The following NTAQ1 variants were observed in gnomAD, a reference collection of about 807,000 sequenced individuals.
NTAQ1 encodes protein N-terminal glutamine amidohydrolase.
A neutral mutation model predicts 28.2 loss-of-function variants in NTAQ1; 21 were observed. The ratio of observed to expected loss-of-function variants is 0.74; its 90% CI spans 0.53 to 1.07. The LOEUF (loss-of-function observed/expected upper bound fraction) is 1.07. Among genes scored for constraint, NTAQ1 ranks in the 50% least tolerant of loss-of-function variants. The probability of loss-of-function intolerance (pLI) is 0.00; values close to 1 mark genes in which losing one functional copy is unlikely to be tolerated. For synonymous variants in NTAQ1, 105 were observed against 90.0 expected (o/e 1.17, Z -0.94); for missense variants, 264 against 256.6 (o/e 1.03, Z -0.20).
chr8:123,435,637 C>G lies in NTAQ1; in HGVS notation c.235-816C>G, dbSNP rs567780315. The G allele has an allele frequency of 6.4e-6, 4 of 621,072 alleles. No individual in the cohort carries two copies. The East Asian group carries it at 5.6e-4, about 87-fold the overall frequency. The allele number at this position is 621,072 out of a possible 1,614,324, so 38.5% of individuals were successfully genotyped here. A position where few individuals can be genotyped will look rare whatever the true frequency, so the allele number is the denominator to read the frequency against. ...ATTCCAGGACTTTGGGAGGCTGAGGCGGGGGGATCACTTGAGGCCAGAAGT... is the reference window on the plus strand; with the variant it reads ...ATTCCAGGACTTTGGGAGGCTGAGGGGGGGGGATCACTTGAGGCCAGAAGT... On this transcript the variant is annotated intron_variant, in intron 3 of 5. Coordinates refer to ENST00000287387, the MANE Select transcript of NTAQ1 (RefSeq NM_018024.3).
chr8:123,424,072 G>GTTTTTTTTTTTTTTTTTTTTTTGTTTTT (rs35733686), intron 1 of NTAQ1, among the ~76,000 whole-genome samples: 1 of 85,864 alleles, frequency 1.2e-5, no homozygotes, highest in Non-Finnish European at 2.1e-5. Flanking sequence ...ATTTTTATGC[G>GTTTTTTTTTTTTTTTTTTTTTTGTTTTT]TTTTTTTTTT....
chr8:123,421,512 C>CTTTTTTTTTTTTTT (rs71310677), intron 1 of NTAQ1, among the ~76,000 whole-genome samples: 1 of 133,908 alleles, frequency 7.5e-6, no homozygotes. Flanking sequence ...TCTCTTTTTC[C>CTTTTTTTTTTTTTT]TTTTTTTTTT....
Position 123,441,552 on chromosome 8 carries a change from TG to T in NTAQ1, c.*138del, listed in dbSNP as rs1335131449. The T allele has an allele frequency of 6.8e-6, 5 of 732,786 alleles. No individual in the cohort carries two copies. In the African/African-American group the frequency reaches 7.2e-5, roughly 10 times the overall value. 45.4% of individuals were successfully genotyped at this position (732,786 alleles called of 1,614,324 possible). A position where few individuals can be genotyped will look rare whatever the true frequency, so the allele number is the denominator to read the frequency against. ...CTTTTAATTTGATTGAGTGGAAATC[TG>T]AGTGAATACAAATATAAATGAACAA... On this transcript the variant is annotated 3_prime_UTR_variant, in exon 6 of 6. Coordinates refer to ENST00000287387, the MANE Select transcript of NTAQ1 (RefSeq NM_018024.3).
chr8:123,441,241 GT>G (rs1402229260), intron 5 of NTAQ1, 64 bp from the exon 6 acceptor site: 2 of 1,290,270 alleles, frequency 1.6e-6, no homozygotes, highest in Non-Finnish European at 2.2e-6. Flanking sequence ...CTTCTGCATT[GT>G]TTTATTGCTG....
At chr8:123,428,203 G>A (rs576815690) in intron 2 of NTAQ1, among the ~76,000 whole-genome samples, 180 bp downstream of exon 2, 9 of 152,056 alleles carry the variant, frequency 5.9e-5, no homozygotes, top group South Asian at 2.1e-4. Flanking sequence ...TACAAGGCAC[G>A]ATTGAGTTAG....
intron 6 of NTAQ1, among the ~76,000 whole-genome samples, chr8:123,457,274 C>A (rs897432419): frequency 2.0e-5 from 3 of 152,008 alleles, no homozygotes; most frequent in African/African-American, 7.2e-5. Flanking sequence ...CCCATGTTGA[C>A]GAGGCTGGTC....
chr8:123,468,126 A>G (rs112157976), exon 7 of NTAQ1, among the ~76,000 whole-genome samples: 2,661 of 152,332 alleles, frequency 0.017, 33 homozygotes, highest in Non-Finnish European at 0.027. Flanking sequence ...CTCAGGAGAT[A>G]GGGATTCTTG....
chr8:123,442,417 G>A (rs899713224), downstream of NTAQ1, among the ~76,000 whole-genome samples: 2 of 151,784 alleles, frequency 1.3e-5, no homozygotes, highest in African/African-American at 4.8e-5. Flanking sequence ...GGCCAACGTG[G>A]TGAAACCTTG....
At chr8:123,469,902 G>C (rs1459182862) in exon 7 of NTAQ1, among the ~76,000 whole-genome samples, 3 of 152,172 alleles carry the variant, frequency 2.0e-5, no homozygotes, top group East Asian at 1.9e-4. Flanking sequence ...CTAGAAGTTT[G>C]GGGAGACATG....
At chr8:123,426,975 A>T (rs1814096173) in intron 1 of NTAQ1, among the ~76,000 whole-genome samples, 1 of 152,008 alleles carries the variant, frequency 6.6e-6, no homozygotes, top group African/African-American at 2.4e-5. Flanking sequence ...ATAAATAAAT[A>T]AAAAAAATAA....
intron 5 of NTAQ1, among the ~76,000 whole-genome samples, chr8:123,438,653 CAA>C (rs745597056): frequency 2.3e-5 from 3 of 127,998 alleles, no homozygotes; most frequent in Non-Finnish European, 4.8e-5. Flanking sequence ...GCCTGAGTGA[CAA>C]GAGCAAGATT....
chr8:123,431,413 G>A (rs973633478), intron 3 of NTAQ1, among the ~76,000 whole-genome samples: 4 of 151,716 alleles, frequency 2.6e-5, no homozygotes, highest in Admixed American at 2.0e-4. Context: ...TGACACTGAT[G>A]AATTGGAACA....
At chr8:123,443,490 C>T (rs2130345342), downstream of NTAQ1, among the ~76,000 whole-genome samples, 1 of 152,366 alleles carries the variant, frequency 6.6e-6, no homozygotes, top group South Asian at 2.1e-4. Context: ...GAATTCTTTC[C>T]TGGGCAAAGC....
chr8:123,462,084 C>A (rs1302188781), intron 6 of NTAQ1, among the ~76,000 whole-genome samples: 1 of 152,066 alleles, frequency 6.6e-6, no homozygotes, highest in Non-Finnish European at 1.5e-5. Flanking sequence ...CTCGCTGTGT[C>A]ACCCAGGCTG....
chr8:123,445,414 A>C (rs138755984), downstream of NTAQ1, among the ~76,000 whole-genome samples: 82 of 152,278 alleles, frequency 5.4e-4, no homozygotes, highest in African/African-American at 1.8e-3. Context: ...TGATTGGAAA[A>C]TCAACAAGAA....
exon 7 of NTAQ1, among the ~76,000 whole-genome samples, chr8:123,467,676 G>C (rs1398102491): frequency 6.6e-6 from 1 of 152,204 alleles, no homozygotes. Context: ...AGAATTGTGA[G>C]CAAGGAAGAA....
At chr8:123,431,442 A>G (rs1814388278) in intron 3 of NTAQ1, among the ~76,000 whole-genome samples, 1 of 152,072 alleles carries the variant, frequency 6.6e-6, no homozygotes, top group South Asian at 2.1e-4. Context: ...GTTTCTGGGT[A>G]TTTATTTAAA....
At chr8:123,449,771 G>A (rs1236840432), downstream of NTAQ1, among the ~76,000 whole-genome samples, 2 of 150,318 alleles carry the variant, frequency 1.3e-5, no homozygotes, top group African/African-American at 4.9e-5. Flanking sequence ...GTTGGTAGCC[G>A]GGTGTGGTAG....
downstream of NTAQ1, among the ~76,000 whole-genome samples, chr8:123,444,487 A>G (rs7822061): frequency 0.36 from 55,067 of 151,932 alleles, 10,092 homozygotes; most frequent in East Asian, 0.56. Context: ...GGTATGAACC[A>G]TAGTGCCTGG....
Sources: allele counts gnomAD v4.1 joint callset (sites outside exome capture counted in the v4.1 genomes callset), GRCh38; gene constraint gnomAD v4.1.1; transcripts MANE v1.5; gene names NCBI Gene and HGNC (gene_info 2026-07-23, HGNC 2026-07-21).